DGKB: variants seen among roughly 807,000 people sequenced by gnomAD.
The protein encoded by DGKB is diacylglycerol kinase beta.
A neutral mutation model predicts 114.3 loss-of-function variants in DGKB; 67 were observed. The ratio of observed to expected loss-of-function variants is 0.59; its 90% CI spans 0.48 to 0.72. DGKB has a LOEUF of 0.72. DGKB is among the 30% of genes least tolerant of loss of function. The pLI, the probability that DGKB is intolerant of heterozygous loss-of-function variation, is 0.00. For missense variants in DGKB, 907 were observed against 975.2 expected, an observed-to-expected ratio of 0.93 and a Z score of 0.93; for synonymous variants, 398 against 323.1, an observed-to-expected ratio of 1.23 and a Z score of -2.49.
At chr7:14,799,945 C>A (rs990688767) in intron 2 of DGKB, among the ~76,000 whole-genome samples, 1 of 151,656 alleles carries the variant, frequency 6.6e-6, no homozygotes, top group Non-Finnish European at 1.5e-5. Context: ...TTGACAGAGT[C>A]TCACTCTGTT....
intron 21 of DGKB, among the ~76,000 whole-genome samples, chr7:14,370,233 G>C (rs990308810): frequency 6.6e-6 from 1 of 152,084 alleles, no homozygotes; most frequent in Non-Finnish European, 1.5e-5. Flanking sequence ...TTTTTGTCAG[G>C]TTTGTCAAAG....
intron 8 of DGKB, among the ~76,000 whole-genome samples, chr7:14,695,800 C>T (rs1328918316): frequency 6.6e-6 from 1 of 151,942 alleles, no homozygotes; most frequent in Non-Finnish European, 1.5e-5. Context: ...AGCCACCGAG[C>T]CCGGCCCATT....
At position 14,515,607 on chromosome 7, in the gene DGKB, A is replaced by T. The variant is rs78617534; in HGVS notation, c.1771-37382T>A. Among the ~76,000 whole-genome samples, 820 of 152,336 alleles carry T rather than the reference A, an allele frequency of 5.4e-3. 5 individuals carry two copies. Among genetic ancestry groups the T allele is most frequent in the Middle Eastern group, 0.017 (5 of 294 alleles). ...AATGTATAAATCAAGGAAAAGAAAAAATCAATAAATTTCACATTTTAAGTG... is the reference window on the plus strand; with the variant it reads ...AATGTATAAATCAAGGAAAAGAAAATATCAATAAATTTCACATTTTAAGTG... On this transcript the variant is annotated intron_variant, in intron 20 of 25. Transcript: ENST00000402815.
chr7:14,834,663 G>A (rs1200202374), intron 2 of DGKB, among the ~76,000 whole-genome samples: 1 of 152,152 alleles, frequency 6.6e-6, no homozygotes, highest in African/African-American at 2.4e-5. Flanking sequence ...GATTGGAAAT[G>A]TAATATGAGC....
chr7:14,737,283 A>AT (rs11348925), intron 4 of DGKB, among the ~76,000 whole-genome samples: 5,475 of 82,556 alleles, frequency 0.066, 219 homozygotes, highest in South Asian at 0.1. Flanking sequence ...TTGAAGGCCA[A>AT]TTTTTTTTTT....
At chr7:14,771,106 C>T (rs1186618548) in intron 2 of DGKB, among the ~76,000 whole-genome samples, 3 of 152,082 alleles carry the variant, frequency 2.0e-5, no homozygotes, top group African/African-American at 7.2e-5. Flanking sequence ...TAAGGGTAGC[C>T]ACCCCTGGCA....
chr7:14,401,826 A>C (rs1583662944), intron 21 of DGKB, among the ~76,000 whole-genome samples: 1 of 151,830 alleles, frequency 6.6e-6, no homozygotes, highest in African/African-American at 2.4e-5. Flanking sequence ...ATATGAAAGG[A>C]AAATACTGTC....
chr7:14,756,765 A>G (rs952724390), intron 3 of DGKB, among the ~76,000 whole-genome samples: 1 of 151,992 alleles, frequency 6.6e-6, no homozygotes, highest in African/African-American at 2.4e-5. Flanking sequence ...CAATAATAGC[A>G]AAAAATAAGT....
At chr7:14,444,612 A>C (rs1397248495) in intron 21 of DGKB, among the ~76,000 whole-genome samples, 1 of 151,866 alleles carries the variant, frequency 6.6e-6, no homozygotes, top group African/African-American at 2.4e-5. Context: ...TAACAATATA[A>C]ATAACATCTG....
At chr7:14,672,269 G>A (rs1199137499) in intron 13 of DGKB, among the ~76,000 whole-genome samples, 1 of 151,952 alleles carries the variant, frequency 6.6e-6, no homozygotes, top group Non-Finnish European at 1.5e-5. Flanking sequence ...AAAATAGTTT[G>A]TTTTTTAAAA....
At chr7:14,397,109 A>T (rs1192491654) in intron 21 of DGKB, among the ~76,000 whole-genome samples, 1 of 152,132 alleles carries the variant, frequency 6.6e-6, no homozygotes, top group Non-Finnish European at 1.5e-5. Context: ...GCTAAGGGTT[A>T]CATGTTTTCT....
intron 23 of DGKB, among the ~76,000 whole-genome samples, chr7:14,239,280 C>A (rs1011751114): frequency 7.0e-5 from 10 of 142,460 alleles, no homozygotes; most frequent in African/African-American, 2.5e-4. Context: ...GCTCTAAGAA[C>A]ATTATTGCTG....
At chr7:14,158,294 G>A (rs1002953004) in intron 25 of DGKB, among the ~76,000 whole-genome samples, 7 of 152,192 alleles carry the variant, frequency 4.6e-5, no homozygotes, top group African/African-American at 1.7e-4. Context: ...ATTGGGAAAT[G>A]GCATATTATG....
At chr7:14,159,407 A>G (rs547903059) in intron 25 of DGKB, among the ~76,000 whole-genome samples, 1 of 152,310 alleles carries the variant, frequency 6.6e-6, no homozygotes, top group Admixed American at 6.5e-5. Flanking sequence ...ACCCTGTCAC[A>G]GTATAATAGT....
intron 21 of DGKB, among the ~76,000 whole-genome samples, chr7:14,392,995 G>GTTTTTTTTTTTTTTTTTT (rs1554404748): frequency 4.0e-4 from 24 of 60,542 alleles, no homozygotes; most frequent in Non-Finnish European, 6.2e-4. Flanking sequence ...TTTTGTTTTT[G>GTTTTTTTTTTTTTTTTTT]TTTTTTTTTT....
In DGKB at chr7:14,577,117, G is replaced by T. The variant is rs577973919; in HGVS notation, c.1610-2745C>A. Among the ~76,000 whole-genome samples the T allele has an allele frequency of 7.2e-5, 11 of 152,172 alleles. No individual in the cohort carries two copies. In the South Asian group the frequency reaches 2.1e-3, roughly 29 times the overall value. Reference sequence around the variant, plus strand: ...AAATCCACTAAATATGCCAGCAAAAGATTTTTACAGAAAAGAATAATGCTA... The same window carrying T: ...AAATCCACTAAATATGCCAGCAAAATATTTTTACAGAAAAGAATAATGCTA... On this transcript the variant is annotated intron_variant, in intron 19 of 25. Transcript: ENST00000402815.
chr7:14,690,229 A>G (rs564664379), intron 9 of DGKB, among the ~76,000 whole-genome samples: 22 of 152,344 alleles, frequency 1.4e-4, no homozygotes, highest in Admixed American at 5.9e-4. Flanking sequence ...AAATGTTCAA[A>G]CTGAAAGAGT....
intron 23 of DGKB, among the ~76,000 whole-genome samples, chr7:14,221,082 C>T (rs1215820035): frequency 6.6e-6 from 1 of 151,260 alleles, no homozygotes; most frequent in Non-Finnish European, 1.5e-5. Flanking sequence ...TCCTTAAGAT[C>T]TCCTATATAT....
At chr7:14,896,260 A>T (rs1782082732) in intron 1 of DGKB, among the ~76,000 whole-genome samples, 1 of 151,756 alleles carries the variant, frequency 6.6e-6, no homozygotes, top group East Asian at 1.9e-4. Flanking sequence ...ACCTTTCCTC[A>T]TCATTTTAGG....
Sources: gnomAD v4.1 joint callset for allele counts (sites outside exome capture counted in the v4.1 genomes callset) on GRCh38, gnomAD v4.1.1 for gene constraint, MANE v1.5 for transcripts, NCBI Gene and HGNC (gene_info 2026-07-23, HGNC 2026-07-21) for gene names.